RGS6: variants seen among roughly 807,000 people sequenced by gnomAD.
The protein encoded by RGS6 is regulator of G protein signaling 6.
A neutral mutation model predicts 78.5 loss-of-function variants in RGS6; 30 were observed. The observed-to-expected ratio is 0.38, with a 90% CI of 0.29 to 0.52. The LOEUF (loss-of-function observed/expected upper bound fraction) is 0.52, where lower values mean the gene tolerates loss of function less well. Ranked by LOEUF, RGS6 falls within the 20% of genes least tolerant of loss-of-function variation. RGS6 has a pLI of 0.85. For missense variants in RGS6, 495 were observed against 609.7 expected (o/e 0.81, Z 1.98); for synonymous variants, 206 against 206.0 (o/e 1.00, Z 0.00).
chr14:72,027,782 A>G (rs931100634), intron 2 of RGS6, among the ~76,000 whole-genome samples: 1 of 152,074 alleles, frequency 6.6e-6, no homozygotes, highest in African/African-American at 2.4e-5. Context: ...TCATGTCTGC[A>G]TTTGTCAGTT....
intron 2 of RGS6, among the ~76,000 whole-genome samples, chr14:72,038,357 A>G (rs928479767): frequency 6.6e-6 from 1 of 152,176 alleles, no homozygotes; most frequent in East Asian, 1.9e-4. Context: ...TTCTTTTTCA[A>G]AATTGTTTTG....
intron 12 of RGS6, among the ~76,000 whole-genome samples, chr14:72,493,929 T>C (rs1047877248): frequency 2.7e-4 from 41 of 152,194 alleles, no homozygotes; most frequent in African/African-American, 9.4e-4. Flanking sequence ...CTAAAGGATG[T>C]GCTTCAACAC....
At chr14:72,409,610 A>G (rs1418600441) in intron 3 of RGS6, among the ~76,000 whole-genome samples, 1 of 152,000 alleles carries the variant, frequency 6.6e-6, no homozygotes, top group Non-Finnish European at 1.5e-5. Flanking sequence ...CATGTGCACA[A>G]TGTGCAGGTT....
chr14:72,243,846 T>A (rs1207073238), intron 2 of RGS6, among the ~76,000 whole-genome samples: 2 of 152,078 alleles, frequency 1.3e-5, no homozygotes, highest in African/African-American at 4.8e-5. Flanking sequence ...GTTCTAGAGC[T>A]ATGAGGAAGC....
chr14:72,137,746 A>G (rs928871533), intron 2 of RGS6, among the ~76,000 whole-genome samples: 4 of 152,240 alleles, frequency 2.6e-5, no homozygotes, highest in African/African-American at 9.6e-5. Context: ...ATTGGGGAAC[A>G]CTACCCTTTG....
intron 2 of RGS6, among the ~76,000 whole-genome samples, chr14:71,997,268 G>A (rs2095241351): frequency 6.6e-6 from 1 of 152,172 alleles, no homozygotes; most frequent in Non-Finnish European, 1.5e-5. Context: ...TAGATGAGAA[G>A]AGGAGCTGTG....
At chr14:72,358,446 C>T (rs2529460) in intron 3 of RGS6, among the ~76,000 whole-genome samples, 3 of 152,110 alleles carry the variant, frequency 2.0e-5, no homozygotes, top group East Asian at 1.9e-4. Context: ...GCAAAGCTAC[C>T]GGGTCAGAGC....
chr14:72,511,280 C>A (rs2096875009), intron 14 of RGS6, among the ~76,000 whole-genome samples: 1 of 152,218 alleles, frequency 6.6e-6, no homozygotes, highest in South Asian at 2.1e-4. Context: ...TATTGTATTA[C>A]TTTAAAAACT....
At chr14:72,195,289 ACTTGAGTC>A (rs765374252) in intron 2 of RGS6, among the ~76,000 whole-genome samples, 23 of 152,176 alleles carry the variant, frequency 1.5e-4, no homozygotes, top group South Asian at 6.2e-4. Flanking sequence ...CTGTTGTCAT[ACTTGAGTC>A]CTTGAGTATT....
chr14:71,886,629 G>A, the RGS6 span, among the ~76,000 whole-genome samples: 3 of 152,238 alleles, frequency 2.0e-5, no homozygotes, highest in South Asian at 4.1e-4. Flanking sequence ...GAAAATGAAA[G>A]CAATCAGCAT....
At chr14:72,171,035 G>A (rs963578466) in intron 2 of RGS6, among the ~76,000 whole-genome samples, 1 of 152,102 alleles carries the variant, frequency 6.6e-6, no homozygotes, top group Non-Finnish European at 1.5e-5. Context: ...GGTAATTTTT[G>A]CTTATCGGTT....
intron 3 of RGS6, among the ~76,000 whole-genome samples, chr14:72,413,937 A>C (rs910557732): frequency 2.0e-5 from 3 of 152,176 alleles, no homozygotes; most frequent in Admixed American, 6.5e-5. Context: ...CTGAGAGATC[A>C]GCTGTTAGTC....
At chr14:72,199,144 G>A (rs887513167) in intron 2 of RGS6, among the ~76,000 whole-genome samples, 1 of 152,172 alleles carries the variant, frequency 6.6e-6, no homozygotes, top group Non-Finnish European at 1.5e-5. Context: ...TAAATGATGT[G>A]TATACACAAA....
the RGS6 span, among the ~76,000 whole-genome samples, chr14:72,590,561 G>A: frequency 9.9e-5 from 15 of 152,198 alleles, no homozygotes; most frequent in Admixed American, 9.8e-4. Context: ...GGAAATTCTG[G>A]AACAGACAAA....
At chr14:72,153,585 A>G (rs1284722654) in intron 2 of RGS6, among the ~76,000 whole-genome samples, 1 of 152,198 alleles carries the variant, frequency 6.6e-6, no homozygotes, top group Admixed American at 6.5e-5. Context: ...TGAGAAATAA[A>G]GAGAAAGAGT....
At position 72,541,385 on chromosome 14, in the gene RGS6, T is replaced by A. The variant is rs191387318; in HGVS notation, c.1422+1291T>A. 8 of 1,441,114 alleles carry A rather than the reference T, an allele frequency of 5.6e-6. No homozygotes were observed. The East Asian group carries it at 2.0e-4, about 36-fold the overall frequency. 89.3% of individuals were successfully genotyped at this position (1,441,114 alleles called of 1,614,324 possible). A position where few individuals can be genotyped will look rare whatever the true frequency, so the allele number is the denominator to read the frequency against. ...ACATGTAAACCTCAAATAACTCTAG[T>A]GGGTGGCAATTAATTAAACATCGGT... On this transcript the variant is annotated intron_variant, in intron 17 of 17. Transcript: ENST00000553525.
intron 2 of RGS6, among the ~76,000 whole-genome samples, chr14:72,088,433 A>G (rs1403187256): frequency 3.9e-5 from 6 of 152,054 alleles, no homozygotes; most frequent in Non-Finnish European, 5.9e-5. Context: ...CTATATTTCT[A>G]TTAATACTTC....
At chr14:72,426,571 AAG>A (rs2094441802) in intron 3 of RGS6, among the ~76,000 whole-genome samples, 1 of 152,236 alleles carries the variant, frequency 6.6e-6, no homozygotes, top group Non-Finnish European at 1.5e-5. Flanking sequence ...TGACATTCCC[AAG>A]GTTGTACACA....
intron 3 of RGS6, among the ~76,000 whole-genome samples, chr14:72,444,599 G>T (rs2095311124): frequency 6.6e-6 from 1 of 152,218 alleles, no homozygotes; most frequent in Non-Finnish European, 1.5e-5. Flanking sequence ...TCTACTCCCA[G>T]ATCAGTTTCC....
Sources: allele counts gnomAD v4.1 joint callset (sites outside exome capture counted in the v4.1 genomes callset), GRCh38; gene constraint gnomAD v4.1.1; transcripts MANE v1.5; gene names NCBI Gene and HGNC (gene_info 2026-07-23, HGNC 2026-07-21).